The following HS6ST3 variants were observed in gnomAD, a reference collection of about 807,000 sequenced individuals.
HS6ST3 encodes heparan sulfate 6-O-sulfotransferase 3, also known as heparan-sulfate 6-O-sulfotransferase 3.
A neutral mutation model predicts 36.7 loss-of-function variants in HS6ST3; 12 were observed. The ratio of observed to expected loss-of-function variants is 0.33; its 90% CI spans 0.21 to 0.53. The LOEUF (loss-of-function observed/expected upper bound fraction) is 0.53, where lower values mean the gene tolerates loss of function less well. HS6ST3 is among the 20% of genes least tolerant of loss of function. The pLI, the probability that HS6ST3 is intolerant of heterozygous loss-of-function variation, is 0.95. For missense variants in HS6ST3, 584 were observed against 640.9 expected (o/e 0.91, Z 0.96); for synonymous variants, 240 against 257.5 (o/e 0.93, Z 0.65).
At chr13:96,580,540 T>A (rs1315777334) in intron 1 of HS6ST3, among the ~76,000 whole-genome samples, 2 of 152,082 alleles carry the variant, frequency 1.3e-5, no homozygotes, top group African/African-American at 2.4e-5. Context: ...CTACCGTGAG[T>A]GACTTTCTTA....
intron 1 of HS6ST3, among the ~76,000 whole-genome samples, chr13:96,119,653 C>T (rs1450037257): frequency 6.6e-6 from 1 of 152,138 alleles, no homozygotes; most frequent in Non-Finnish European, 1.5e-5. Flanking sequence ...CCACTTCCTA[C>T]TGTAGAGTAT....
At chr13:96,318,143 G>T (rs1258612091) in intron 1 of HS6ST3, among the ~76,000 whole-genome samples, 1 of 152,134 alleles carries the variant, frequency 6.6e-6, no homozygotes, top group Non-Finnish European at 1.5e-5. Flanking sequence ...GTTAAGAAGG[G>T]TATTTCCTAG....
chr13:96,327,955 G>A (rs2055042214), intron 1 of HS6ST3, among the ~76,000 whole-genome samples: 1 of 133,834 alleles, frequency 7.5e-6, no homozygotes, highest in Non-Finnish European at 1.6e-5. Context: ...GTGAATGGGA[G>A]TTCACTCATT....
rs1478518650 is a variant in HS6ST3 at position 96,091,110 on chromosome 13, G to A, written c.248G>A (p.Arg83Gln). ...PPPRGPPEGP[R>Q]GAAAPEEEDE... ...CCCCGGGGGCCCCCCGAGGGACCTC[G>A]GGGGGCCGCGGCGCCGGAGGAGGAG... is the stretch of plus-strand genomic sequence containing the variant. Residue 83 changes from arginine to glutamine, a missense_variant, in exon 1 of 2, where the codon CGG (arginine) becomes CAG (glutamine). Transcript: ENST00000376705. The A allele has an allele frequency of 2.4e-5, 34 of 1,415,454 alleles. No individual in the cohort carries two copies. The highest frequency in any genetic ancestry group is 2.9e-5 in the Non-Finnish European group (32 of 1,089,862). 87.7% of individuals were successfully genotyped at this position (1,415,454 alleles called of 1,614,324 possible). A position where few individuals can be genotyped will look rare whatever the true frequency, so the allele number is the denominator to read the frequency against.
chr13:96,674,265 G>C (rs2056691736), intron 1 of HS6ST3, among the ~76,000 whole-genome samples: 1 of 152,042 alleles, frequency 6.6e-6, no homozygotes, highest in African/African-American at 2.4e-5. Context: ...CTTCCGCCAT[G>C]ATTGTGTGTT....
At chr13:96,174,748 G>A (rs144538459) in intron 1 of HS6ST3, among the ~76,000 whole-genome samples, 129 of 152,218 alleles carry the variant, frequency 8.5e-4, no homozygotes, top group Middle Eastern at 3.4e-3. Context: ...ATTATTTACT[G>A]TAGAATCCAC....
At chr13:96,238,959 A>G (rs921208858) in intron 1 of HS6ST3, among the ~76,000 whole-genome samples, 1 of 152,214 alleles carries the variant, frequency 6.6e-6, no homozygotes, top group African/African-American at 2.4e-5. Flanking sequence ...CGGGGAAACA[A>G]AATAAACAGC....
intron 1 of HS6ST3, among the ~76,000 whole-genome samples, chr13:96,633,403 G>A (rs2056538570): frequency 6.6e-6 from 1 of 152,174 alleles, no homozygotes; most frequent in Non-Finnish European, 1.5e-5. Flanking sequence ...TTAAGTGAAT[G>A]CAGTATGCTC....
At chr13:96,362,090 A>C (rs1435596085) in intron 1 of HS6ST3, among the ~76,000 whole-genome samples, 1 of 152,198 alleles carries the variant, frequency 6.6e-6, no homozygotes, top group Admixed American at 6.5e-5. Context: ...TTGCAAGTTA[A>C]ATTCAGTGGA....
chr13:96,691,097 A>G (rs562987262), intron 1 of HS6ST3, among the ~76,000 whole-genome samples: 2 of 152,234 alleles, frequency 1.3e-5, no homozygotes, highest in African/African-American at 4.8e-5. Context: ...GTAGCCTTTA[A>G]TGGATCTGCT....
At chr13:96,535,331 C>T (rs765814534) in intron 1 of HS6ST3, among the ~76,000 whole-genome samples, 9 of 151,740 alleles carry the variant, frequency 5.9e-5, no homozygotes, top group East Asian at 3.9e-4. Context: ...CCAAGGCGGG[C>T]GAATCATGAG....
chr13:96,797,336 A>G (rs563051539), intron 1 of HS6ST3, among the ~76,000 whole-genome samples: 15 of 152,168 alleles, frequency 9.9e-5, no homozygotes, highest in African/African-American at 3.1e-4. Context: ...CAGAGTTCTG[A>G]TCTAAGCACT....
intron 1 of HS6ST3, among the ~76,000 whole-genome samples, chr13:96,203,824 T>C (rs1791094627): frequency 1.3e-5 from 2 of 152,342 alleles, no homozygotes; most frequent in Admixed American, 1.3e-4. Context: ...GGAAATACCA[T>C]TCCGAATTCC....
At chr13:96,292,949 A>G (rs2054837373) in intron 1 of HS6ST3, among the ~76,000 whole-genome samples, 1 of 152,076 alleles carries the variant, frequency 6.6e-6, no homozygotes. Context: ...CAAGTCATAT[A>G]TTTAGTTCAC....
At chr13:96,570,363 G>A (rs2056296655) in intron 1 of HS6ST3, among the ~76,000 whole-genome samples, 1 of 152,152 alleles carries the variant, frequency 6.6e-6, no homozygotes, top group African/African-American at 2.4e-5. Flanking sequence ...GCCACAGAAA[G>A]GTTTTTTGGT....
intron 1 of HS6ST3, among the ~76,000 whole-genome samples, chr13:96,435,778 A>T (rs1167731822): frequency 6.8e-6 from 1 of 147,144 alleles, no homozygotes; most frequent in Admixed American, 6.9e-5. Context: ...AAACTTCTGT[A>T]TAGTTTTTCC....
At chr13:96,756,341 G>A (rs975337365) in intron 1 of HS6ST3, among the ~76,000 whole-genome samples, 3 of 151,906 alleles carry the variant, frequency 2.0e-5, no homozygotes, top group Non-Finnish European at 4.4e-5. Context: ...GCTTCATTTT[G>A]GTGAGCAGAA....
intron 1 of HS6ST3, among the ~76,000 whole-genome samples, chr13:96,422,349 T>C (rs2139468947): frequency 6.6e-6 from 1 of 152,336 alleles, no homozygotes; most frequent in Middle Eastern, 3.4e-3. Flanking sequence ...CCTTTTGATG[T>C]TGCAATGTGA....
At chr13:96,218,479 ATCTG>A (rs765486489) in intron 1 of HS6ST3, among the ~76,000 whole-genome samples, 3 of 152,176 alleles carry the variant, frequency 2.0e-5, no homozygotes, top group Non-Finnish European at 4.4e-5. Context: ...GTGTGCGCTA[ATCTG>A]TCTGTTTCCA....
Sources: allele counts gnomAD v4.1 joint callset (sites outside exome capture counted in the v4.1 genomes callset), GRCh38; gene constraint gnomAD v4.1.1; transcripts MANE v1.5; gene names NCBI Gene and HGNC (gene_info 2026-07-23, HGNC 2026-07-21).